PRKG1: variants seen among roughly 807,000 people sequenced by gnomAD.
The protein encoded by PRKG1 is protein kinase cGMP-dependent 1.
A neutral mutation model predicts 88.1 loss-of-function variants in PRKG1; 35 were observed. That is an observed-to-expected ratio of 0.40 (90% confidence interval 0.30 to 0.53). The LOEUF (loss-of-function observed/expected upper bound fraction) is 0.53. Ranked by LOEUF, PRKG1 falls within the 20% of genes least tolerant of loss-of-function variation. The pLI is 0.59. For missense variants in PRKG1, 540 were observed against 839.8 expected (o/e 0.64, Z 4.41); for synonymous variants, 303 against 292.5 (o/e 1.04, Z -0.37).
chr10:51,078,791 G>C (rs533117828), intron 1 of PRKG1, among the ~76,000 whole-genome samples: 11 of 151,518 alleles, frequency 7.3e-5, no homozygotes, highest in African/African-American at 2.2e-4. Context: ...TAATTTTTTT[G>C]TATTTTCAGT....
At chr10:51,264,004 A>G (rs1372438159) in intron 2 of PRKG1, among the ~76,000 whole-genome samples, 1 of 152,206 alleles carries the variant, frequency 6.6e-6, no homozygotes, top group Non-Finnish European at 1.5e-5. Flanking sequence ...TTTCTTTGAA[A>G]ACTAGGTTTT....
intron 3 of PRKG1, among the ~76,000 whole-genome samples, chr10:51,702,993 C>T (rs1841506874): frequency 6.6e-6 from 1 of 152,120 alleles, no homozygotes. Flanking sequence ...TTGCACCTGG[C>T]CTCAGACTGA....
rs531236106 is a variant in PRKG1 at position 51,575,292 on chromosome 10, C to G, written c.592+107456C>G. Among the ~76,000 whole-genome samples the G allele has an allele frequency of 2.0e-5, 3 of 151,974 alleles. No homozygotes were observed. In the South Asian group the frequency reaches 6.2e-4, roughly 32 times the overall value. On this transcript the variant is annotated intron_variant, in intron 3 of 17. Coordinates refer to ENST00000373980, the MANE Select transcript of PRKG1 (RefSeq NM_006258.4). ...ATAAGAAGTTGGCCTTTTGGTTAGG[C>G]CTCTCCAGATGGTAATATACTAGCG... is the stretch of plus-strand genomic sequence containing the variant.
intron 5 of PRKG1, among the ~76,000 whole-genome samples, chr10:51,995,339 A>G (rs1284099035): frequency 1.3e-5 from 2 of 152,172 alleles, no homozygotes; most frequent in East Asian, 3.8e-4. Flanking sequence ...AGTTACATTG[A>G]CCTTAACTAT....
chr10:51,774,919 G>C (rs1285425231), intron 3 of PRKG1, among the ~76,000 whole-genome samples: 2 of 152,046 alleles, frequency 1.3e-5, no homozygotes, highest in Non-Finnish European at 2.9e-5. Flanking sequence ...TTGGTTGGTT[G>C]ATTTTAGGAA....
intron 5 of PRKG1, among the ~76,000 whole-genome samples, chr10:51,950,730 G>T (rs1487394802): frequency 1.3e-5 from 2 of 152,256 alleles, no homozygotes; most frequent in Admixed American, 1.3e-4. Flanking sequence ...TCAGTCCCTG[G>T]CCCCATGGCA....
At chr10:51,955,227 C>T (rs1843275926) in intron 5 of PRKG1, among the ~76,000 whole-genome samples, 1 of 152,072 alleles carries the variant, frequency 6.6e-6, no homozygotes, top group African/African-American at 2.4e-5. Flanking sequence ...GAAGTTGTGT[C>T]TATTGGCAAC....
intron 9 of PRKG1, among the ~76,000 whole-genome samples, chr10:52,233,204 G>A (rs1840570876): frequency 6.6e-6 from 1 of 150,874 alleles, no homozygotes. Context: ...AAAAGAGAGA[G>A]AGAGAGAGTA....
chr10:52,039,913 G>A (rs968063549), intron 5 of PRKG1, among the ~76,000 whole-genome samples: 2 of 152,088 alleles, frequency 1.3e-5, no homozygotes, highest in African/African-American at 4.8e-5. Flanking sequence ...AAAAAAGGGG[G>A]CAAAATCCTA....
chr10:51,249,553 G>A (rs1839377058), intron 2 of PRKG1, among the ~76,000 whole-genome samples: 1 of 151,698 alleles, frequency 6.6e-6, no homozygotes, highest in Non-Finnish European at 1.5e-5. Flanking sequence ...GTGATATTTT[G>A]AATGCTAATA....
intron 3 of PRKG1, among the ~76,000 whole-genome samples, chr10:51,652,760 C>T (rs1435413064): frequency 6.6e-6 from 1 of 152,052 alleles, no homozygotes; most frequent in Non-Finnish European, 1.5e-5. Context: ...ATTACTTTAG[C>T]AATTTTGAAA....
At chr10:51,478,177 T>A (rs1840253546) in intron 3 of PRKG1, among the ~76,000 whole-genome samples, 1 of 152,094 alleles carries the variant, frequency 6.6e-6, no homozygotes, top group South Asian at 2.1e-4. Context: ...GCCAAGTATA[T>A]CAAGGCTTTG....
At chr10:51,479,734 C>G (rs536778092) in intron 3 of PRKG1, among the ~76,000 whole-genome samples, 59 of 151,916 alleles carry the variant, frequency 3.9e-4, no homozygotes, top group Admixed American at 1.1e-3. Context: ...TTATGCATGC[C>G]CTTTGTTAAC....
At chr10:52,093,075 T>G (rs975776169) in intron 7 of PRKG1, among the ~76,000 whole-genome samples, 2 of 152,164 alleles carry the variant, frequency 1.3e-5, no homozygotes, top group Non-Finnish European at 2.9e-5. Context: ...TAGTACCCCA[T>G]GAAATGTGAT....
At chr10:51,626,584 T>C (rs1332064880) in intron 3 of PRKG1, among the ~76,000 whole-genome samples, 1 of 152,218 alleles carries the variant, frequency 6.6e-6, no homozygotes, top group Non-Finnish European at 1.5e-5. Flanking sequence ...ATGAATAGCA[T>C]TGATTTTCAG....
At chr10:52,132,923 C>T (rs915750529) in intron 7 of PRKG1, among the ~76,000 whole-genome samples, 5 of 151,954 alleles carry the variant, frequency 3.3e-5, no homozygotes, top group Admixed American at 1.3e-4. Flanking sequence ...GTATCCACCC[C>T]CTCAAGTATT....
At chr10:51,933,159 T>C (rs944565045) in intron 5 of PRKG1, among the ~76,000 whole-genome samples, 1 of 152,146 alleles carries the variant, frequency 6.6e-6, no homozygotes, top group African/African-American at 2.4e-5. Flanking sequence ...TATCTTACAT[T>C]GCTCCAGAGG....
chr10:51,559,945 G>T (rs530899438), intron 3 of PRKG1, among the ~76,000 whole-genome samples: 20 of 152,120 alleles, frequency 1.3e-4, no homozygotes, highest in Middle Eastern at 6.8e-3. Flanking sequence ...TCACTCATTT[G>T]CATATGGTCT....
chr10:51,273,334 A>G (rs1000668735), intron 2 of PRKG1, among the ~76,000 whole-genome samples: 41 of 143,760 alleles, frequency 2.9e-4, no homozygotes, highest in African/African-American at 1.1e-3. Context: ...AACATGACAA[A>G]ACTCCATCTC....
Sources: allele counts gnomAD v4.1 joint callset (sites outside exome capture counted in the v4.1 genomes callset), GRCh38; gene constraint gnomAD v4.1.1; transcripts MANE v1.5; gene names NCBI Gene and HGNC (gene_info 2026-07-23, HGNC 2026-07-21).